Variants in TCF12 observed in about 807,000 individuals in gnomAD.
TCF12 encodes transcription factor 12, also known as DNA-binding protein HTF4.
In TCF12, 45 loss-of-function variants were observed where a neutral mutation model predicts 86.0. That is an observed-to-expected ratio of 0.52 (90% confidence interval 0.41 to 0.67). The LOEUF (loss-of-function observed/expected upper bound fraction) is 0.67, where lower values mean the gene tolerates loss of function less well. Among genes scored for constraint, TCF12 ranks in the 30% least tolerant of loss-of-function variants. The pLI is 0.00. For missense variants in TCF12, 881 were observed against 859.9 expected, an observed-to-expected ratio of 1.02 and a Z score of -0.31; for synonymous variants, 330 against 299.6, an observed-to-expected ratio of 1.10 and a Z score of -1.05.
chr15:57,048,497 A>G (rs1650124280), intron 3 of TCF12, among the ~76,000 whole-genome samples: 2 of 152,184 alleles, frequency 1.3e-5, no homozygotes, highest in Non-Finnish European at 2.9e-5. Flanking sequence ...TCCTGACCTC[A>G]TGATCTGCCC....
chr15:57,007,834 T>C (rs979529359), intron 3 of TCF12, among the ~76,000 whole-genome samples: 3 of 143,878 alleles, frequency 2.1e-5, no homozygotes, highest in Middle Eastern at 3.4e-3. Flanking sequence ...CTTTCTTTCT[T>C]TCTTTCTCTC....
intron 18 of TCF12, among the ~76,000 whole-genome samples, chr15:57,270,344 C>T (rs2061076768): frequency 6.6e-6 from 1 of 152,122 alleles, no homozygotes; most frequent in Non-Finnish European, 1.5e-5. Context: ...TCTGCTTGAT[C>T]GCATCAGCTA....
intron 8 of TCF12, among the ~76,000 whole-genome samples, chr15:57,210,567 A>G (rs1409465300): frequency 6.6e-6 from 1 of 152,186 alleles, no homozygotes; most frequent in Non-Finnish European, 1.5e-5. Flanking sequence ...GATGAGAGCT[A>G]GGAAGTCATG....
At chr15:56,966,868 ATCCC>A in intron 3 of TCF12, among the ~76,000 whole-genome samples, 1 of 152,288 alleles carries the variant, frequency 6.6e-6, no homozygotes, top group South Asian at 2.1e-4. Flanking sequence ...CACGCCTGTA[ATCCC>A]AGCACTTTGG....
chr15:57,186,618 A>G (rs560884425), intron 6 of TCF12, among the ~76,000 whole-genome samples: 2 of 152,356 alleles, frequency 1.3e-5, no homozygotes, highest in East Asian at 3.9e-4. Context: ...AAGCCAGCAT[A>G]ATTCTGATAC....
intron 12 of TCF12, among the ~76,000 whole-genome samples, chr15:57,238,367 T>G (rs2059465357): frequency 6.6e-6 from 1 of 152,208 alleles, no homozygotes; most frequent in Admixed American, 6.5e-5. Flanking sequence ...ATTGTTTAAG[T>G]GTAAGGACAG....
intron 19 of TCF12, chr15:57,281,575 C>G (rs1476891113): frequency 6.6e-6 from 1 of 152,260 alleles, no homozygotes; most frequent in Non-Finnish European, 1.5e-5. Flanking sequence ...CCGACACTCC[C>G]CATCATTTGC....
rs1340194797 is a variant in TCF12 at position 57,077,379 on chromosome 15, ATAT to A, written c.222+13558_222+13560del. Among the ~76,000 whole-genome samples, 25 of 48,666 alleles carry A rather than the reference ATAT, an allele frequency of 5.1e-4. 1 individual carries two copies. Among genetic ancestry groups the A allele is most frequent in the African/African-American group, 1.7e-3 (20 of 11,634 alleles). 31.9% of individuals were successfully genotyped at this position (48,666 alleles called of 152,430 possible). A position where few individuals can be genotyped will look rare whatever the true frequency, so the allele number is the denominator to read the frequency against. The stretch of plus-strand genomic sequence containing the variant: ...TGTGTGTGTGTGTGTGTGTGTATAT[ATAT>A]TTTTTTTTTTTTGGCAAGGCTTTGC... On this transcript the variant is annotated intron_variant, in intron 4 of 20. Transcript: ENST00000333725.
intron 19 of TCF12, chr15:57,278,448 G>A (rs1160966670): frequency 1.1e-4 from 17 of 151,956 alleles, no homozygotes; most frequent in African/African-American, 3.6e-4. Context: ...TTAGGGAGAC[G>A]GAATTTGCAT....
At chr15:57,156,878 G>C (rs1385070407) in intron 5 of TCF12, among the ~76,000 whole-genome samples, 1 of 152,186 alleles carries the variant, frequency 6.6e-6, no homozygotes, top group Admixed American at 6.5e-5. Flanking sequence ...GCTTATCATT[G>C]TATAATGCAA....
chr15:57,177,342 T>C (rs2055995385), intron 6 of TCF12, among the ~76,000 whole-genome samples: 1 of 149,158 alleles, frequency 6.7e-6, no homozygotes, highest in South Asian at 2.1e-4. Flanking sequence ...TGATCTTGGC[T>C]CCCTGCAACC....
Position 57,146,289 on chromosome 15 carries a change from T to C in TCF12, c.326-20113T>C, listed in dbSNP as rs1401978171. Among the ~76,000 whole-genome samples the C allele has an allele frequency of 2.0e-5, 3 of 152,294 alleles. No homozygotes were observed. In the East Asian group the frequency reaches 5.8e-4, roughly 29 times the overall value. ...ATGTAACTGATAGTAGCAAGGTTTT[T>C]CTTTCATTCTTAAAACTTTGTCAAC... On this transcript the variant is annotated intron_variant, in intron 5 of 20. Coordinates refer to ENST00000333725, the MANE Select transcript of TCF12 (RefSeq NM_207037.2).
intron 3 of TCF12, among the ~76,000 whole-genome samples, chr15:56,948,044 C>G (rs930156267): frequency 6.6e-6 from 1 of 152,002 alleles, no homozygotes; most frequent in Non-Finnish European, 1.5e-5. Context: ...TTATTTATCA[C>G]TTTTGTAAGG....
chr15:57,116,533 G>A (rs1442954184), intron 5 of TCF12, among the ~76,000 whole-genome samples: 1 of 151,970 alleles, frequency 6.6e-6, no homozygotes, highest in Non-Finnish European at 1.5e-5. Flanking sequence ...TTTTTGTAGA[G>A]ACAGGGTTTT....
At chr15:57,230,086 C>G (rs2059064970) in intron 8 of TCF12, among the ~76,000 whole-genome samples, 1 of 151,730 alleles carries the variant, frequency 6.6e-6, no homozygotes, top group African/African-American at 2.4e-5. Flanking sequence ...AAAGAGGTAA[C>G]CATTATTGAG....
intron 8 of TCF12, among the ~76,000 whole-genome samples, chr15:57,198,313 G>A (rs766185455): frequency 5.3e-5 from 8 of 152,278 alleles, no homozygotes; most frequent in East Asian, 1.9e-4. Flanking sequence ...CACCAAGTCA[G>A]ATGTTCATTG....
chr15:57,177,062 TGCACACTAGTTG>T (rs570145446), intron 6 of TCF12, among the ~76,000 whole-genome samples: 148 of 152,254 alleles, frequency 9.7e-4, no homozygotes, highest in African/African-American at 3.4e-3. Context: ...GGGGCCTACA[TGCACACTAGTTG>T]GCACACAGTA....
intron 4 of TCF12, among the ~76,000 whole-genome samples, chr15:57,075,099 C>T (rs779836952): frequency 3.3e-5 from 5 of 152,098 alleles, no homozygotes; most frequent in African/African-American, 7.2e-5. Flanking sequence ...GCTTTGTGCA[C>T]GGAGCAGAGC....
intron 8 of TCF12, 96 bp from the exon 9 acceptor site, chr15:57,231,056 G>A (rs937461563): frequency 1.2e-6 from 1 of 822,914 alleles, no homozygotes; most frequent in Non-Finnish European, 2.0e-6. Flanking sequence ...AAATTAGATA[G>A]GCCTTTTTAA....
Sources: gnomAD v4.1 joint callset for allele counts (sites outside exome capture counted in the v4.1 genomes callset) on GRCh38, gnomAD v4.1.1 for gene constraint, MANE v1.5 for transcripts, NCBI Gene and HGNC (gene_info 2026-07-23, HGNC 2026-07-21) for gene names.